The following ARID1B variants were observed in gnomAD, a reference collection of about 807,000 sequenced individuals.
ARID1B encodes the protein AT-rich interactive domain-containing protein 1B.
A neutral mutation model predicts 212.3 loss-of-function variants in ARID1B; 30 were observed. The observed-to-expected ratio is 0.14, with a 90% CI of 0.11 to 0.19. The LOEUF (loss-of-function observed/expected upper bound fraction) is 0.19. Among genes scored for constraint, ARID1B ranks in the 10% least tolerant of loss-of-function variants. ARID1B has a pLI of 1.00. For synonymous variants in ARID1B, 1,402 were observed against 1,301.7 expected (o/e 1.08, Z -1.66); for missense variants, 2,891 against 3,204.0 (o/e 0.90, Z 2.36).
chr6:156,950,766 G>A (rs1253532404), intron 4 of ARID1B, among the ~76,000 whole-genome samples: 1 of 152,166 alleles, frequency 6.6e-6, no homozygotes, highest in Admixed American at 6.5e-5. Context: ...GTTGCAAATA[G>A]ATTAATGCAC....
intron 4 of ARID1B, among the ~76,000 whole-genome samples, chr6:157,078,473 C>T (rs182271051): frequency 3.9e-5 from 6 of 152,288 alleles, no homozygotes; most frequent in Admixed American, 6.5e-5. Context: ...TTCTAGTCTA[C>T]GTAACTCCTG....
intron 5 of ARID1B, among the ~76,000 whole-genome samples, chr6:157,091,836 G>A (rs1296304864): frequency 6.6e-6 from 1 of 152,232 alleles, no homozygotes; most frequent in African/African-American, 2.4e-5. Flanking sequence ...GTCGTTTCGT[G>A]ATGACATTAG....
intron 2 of ARID1B, among the ~76,000 whole-genome samples, chr6:156,875,223 A>G (rs1048565300): frequency 9.2e-5 from 14 of 152,176 alleles, no homozygotes; most frequent in Non-Finnish European, 1.8e-4. Flanking sequence ...TGTAGCAGGA[A>G]CTCAGTGTAT....
Position 157,096,583 on chromosome 6 carries a change from C to T in ARID1B, c.2491+11678C>T, listed in dbSNP as rs146880918. On this transcript the variant is annotated intron_variant, in intron 5 of 19. Coordinates refer to ENST00000636930, the MANE Select transcript of ARID1B (RefSeq NM_001374828.1). ...GAGAACCTTCCTCTCCACATTGCCA[C>T]AGTCAGAGGCTCTGTGGCCTGCACA... 2.9e-4 allele frequency among the ~76,000 whole-genome samples: 44 copies of T among 152,366 alleles called. No individual in the cohort carries two copies. The East Asian group carries it at 8.5e-3, about 29-fold the overall frequency.
intron 4 of ARID1B, among the ~76,000 whole-genome samples, chr6:157,051,173 C>T (rs899007678): frequency 2.6e-5 from 4 of 152,074 alleles, no homozygotes; most frequent in African/African-American, 7.2e-5. Context: ...GAGCGGGGGA[C>T]GCAATGCATT....
chr6:157,032,737 A>G (rs1271316044), intron 4 of ARID1B, among the ~76,000 whole-genome samples: 1 of 152,234 alleles, frequency 6.6e-6, no homozygotes, highest in Non-Finnish European at 1.5e-5. Flanking sequence ...AAGCACATGT[A>G]GTTGGTGGGA....
At chr6:157,033,645 T>C (rs545213151) in intron 4 of ARID1B, among the ~76,000 whole-genome samples, 3 of 152,266 alleles carry the variant, frequency 2.0e-5, no homozygotes, top group Admixed American at 6.5e-5. Context: ...CGTAGGGTAA[T>C]TGGGAAAGAG....
intron 4 of ARID1B, among the ~76,000 whole-genome samples, chr6:156,998,122 A>G (rs1421295869): frequency 6.6e-6 from 1 of 152,014 alleles, no homozygotes; most frequent in African/African-American, 2.4e-5. Context: ...GATAGAAAGC[A>G]ACTCTGAAGA....
rs1449460928 is a variant in ARID1B at position 157,104,499 on chromosome 6, C to A, written c.2492-5973C>A. 3.3e-5 allele frequency among the ~76,000 whole-genome samples: 5 copies of A among 152,142 alleles called. 1 individual carries two copies. Among genetic ancestry groups the A allele is most frequent in the African/African-American group, 4.8e-5 (2 of 41,406 alleles). ...ATGATATAATAGTAAGCCTGGAAAA[C>A]CCCGGAGAATCAATGACAAATTAGC... is the stretch of plus-strand genomic sequence containing the variant. On this transcript the variant is annotated intron_variant, in intron 5 of 19. Coordinates refer to ENST00000636930, the MANE Select transcript of ARID1B (RefSeq NM_001374828.1).
At chr6:156,795,726 T>TG (rs979754917) in intron 1 of ARID1B, among the ~76,000 whole-genome samples, 7 of 152,278 alleles carry the variant, frequency 4.6e-5, no homozygotes, top group African/African-American at 1.7e-4. Flanking sequence ...TCCTCAGGTG[T>TG]GGGAGGGCTC....
intron 4 of ARID1B, among the ~76,000 whole-genome samples, chr6:157,011,754 A>C (rs1483614897): frequency 1.3e-5 from 2 of 152,208 alleles, no homozygotes; most frequent in East Asian, 3.8e-4. Flanking sequence ...AAGACTTCCT[A>C]CTGTTGTCTT....
At chr6:157,039,910 CCTTCCTTCTTTCTTTT>C (rs1781756918) in intron 4 of ARID1B, among the ~76,000 whole-genome samples, 1 of 143,122 alleles carries the variant, frequency 7.0e-6, no homozygotes, top group South Asian at 2.2e-4. Flanking sequence ...TTCCTTCCTT[CCTTCCTTCTTTCTTTT>C]CTTTCTTTCT....
At chr6:156,905,740 C>G (rs541273747) in intron 3 of ARID1B, among the ~76,000 whole-genome samples, 1 of 152,134 alleles carries the variant, frequency 6.6e-6, no homozygotes, top group Non-Finnish European at 1.5e-5. Context: ...GTAGTATATC[C>G]TCATTATCCT....
chr6:156,962,409 A>G (rs1363119126), intron 4 of ARID1B, among the ~76,000 whole-genome samples: 1 of 152,224 alleles, frequency 6.6e-6, no homozygotes, highest in Non-Finnish European at 1.5e-5. Context: ...TTTATTTTTT[A>G]ATTTTAGAAA....
chr6:156,996,666 G>GT (rs762108658), intron 4 of ARID1B, among the ~76,000 whole-genome samples: 9 of 152,070 alleles, frequency 5.9e-5, no homozygotes, highest in African/African-American at 9.7e-5. Flanking sequence ...TGCATTTTGG[G>GT]TTTTTTTGGA....
chr6:157,015,066 TA>T (rs1779840701), intron 4 of ARID1B, among the ~76,000 whole-genome samples: 2 of 152,214 alleles, frequency 1.3e-5, no homozygotes, highest in Non-Finnish European at 2.9e-5. Flanking sequence ...ACGTGTCTTT[TA>T]ATCCAGCATT....
intron 3 of ARID1B, among the ~76,000 whole-genome samples, chr6:156,916,734 T>G (rs1029680738): frequency 2.6e-5 from 4 of 152,156 alleles, no homozygotes; most frequent in Non-Finnish European, 2.9e-5. Flanking sequence ...TCCTAGTACC[T>G]TTAGACTCAG....
intron 6 of ARID1B, among the ~76,000 whole-genome samples, chr6:157,122,703 CAG>C (rs1787818167): frequency 6.6e-6 from 1 of 151,918 alleles, no homozygotes; most frequent in South Asian, 2.1e-4. Flanking sequence ...TTTTTTGAGA[CAG>C]AGTCTCACCC....
intron 3 of ARID1B, among the ~76,000 whole-genome samples, chr6:156,920,975 C>A (rs989745734): frequency 3.3e-5 from 5 of 152,120 alleles, no homozygotes; most frequent in African/African-American, 9.7e-5. Flanking sequence ...CTGCCTCAGC[C>A]TCCTGAGTAG....
Sources: gnomAD v4.1 joint callset for allele counts (sites outside exome capture counted in the v4.1 genomes callset) on GRCh38, gnomAD v4.1.1 for gene constraint, MANE v1.5 for transcripts, NCBI Gene and HGNC (gene_info 2026-07-23, HGNC 2026-07-21) for gene names.